The following GMDS variants were observed in gnomAD, a reference collection of about 807,000 sequenced individuals.
GMDS encodes the protein GDP-mannose 4,6-dehydratase.
In GMDS, 20 loss-of-function variants were observed where a neutral mutation model predicts 49.9. That is an observed-to-expected ratio of 0.40 (90% CI 0.28 to 0.58). GMDS has a LOEUF of 0.58. Ranked by LOEUF, GMDS falls within the 20% of genes least tolerant of loss-of-function variation. The probability of loss-of-function intolerance (pLI) is 0.42; values close to 1 mark genes in which losing one functional copy is unlikely to be tolerated. For synonymous variants in GMDS, 177 were observed against 178.6 expected (o/e 0.99, Z 0.07); for missense variants, 362 against 481.4 (o/e 0.75, Z 2.32).
chr6:1,675,281 AC>A, intron 9 of GMDS, among the ~76,000 whole-genome samples: 1 of 150,886 alleles, frequency 6.6e-6, no homozygotes, highest in South Asian at 2.1e-4. Context: ...TGTATATTAA[AC>A]TTGTATCGTG....
At chr6:2,212,828 G>A (rs757029327) in intron 1 of GMDS, among the ~76,000 whole-genome samples, 43 of 151,844 alleles carry the variant, frequency 2.8e-4, no homozygotes, top group Admixed American at 1.8e-3. Flanking sequence ...CCATAAGAGC[G>A]TGTGTCATCC....
chr6:2,165,037 G>A (rs1329164859), intron 1 of GMDS, among the ~76,000 whole-genome samples: 1 of 152,110 alleles, frequency 6.6e-6, no homozygotes, highest in Non-Finnish European at 1.5e-5. Flanking sequence ...ATCATGCCAT[G>A]GCCTATCAGT....
chr6:1,703,382 C>G (rs1353973672), intron 9 of GMDS, among the ~76,000 whole-genome samples: 1 of 152,034 alleles, frequency 6.6e-6, no homozygotes, highest in Non-Finnish European at 1.5e-5. Context: ...CCAGTTCCAC[C>G]CGAAAGTGGT....
At position 1,863,497 on chromosome 6, in the gene GMDS, T is replaced by A. The variant is rs544195327; in HGVS notation, c.771+66606A>T. 2.6e-5 allele frequency among the ~76,000 whole-genome samples: 4 copies of A among 152,104 alleles called. No individual in the cohort carries two copies. The South Asian group carries it at 8.3e-4, about 32-fold the overall frequency. On this transcript the variant is annotated intron_variant, in intron 7 of 10. Coordinates refer to ENST00000380815, the MANE Select transcript of GMDS (RefSeq NM_001500.4). The stretch of plus-strand genomic sequence containing the variant: ...GAAAAATATTGTGTGTGTGCGTGCA[T>A]GTGTGTGTGTGTTCCAATATAAGTG...
intron 7 of GMDS, among the ~76,000 whole-genome samples, chr6:1,821,965 A>T (rs1270795851): frequency 6.6e-6 from 1 of 152,140 alleles, no homozygotes; most frequent in East Asian, 1.9e-4. Flanking sequence ...AGGCTGGGTC[A>T]ATTTGATCAA....
At chr6:2,190,171 GA>G (rs1032832948) in intron 1 of GMDS, among the ~76,000 whole-genome samples, 3 of 152,020 alleles carry the variant, frequency 2.0e-5, no homozygotes, top group African/African-American at 7.3e-5. Context: ...CCACATCAGG[GA>G]AAAAAGAGCA....
intron 1 of GMDS, among the ~76,000 whole-genome samples, chr6:2,213,131 T>C (rs1221201596): frequency 1.3e-5 from 2 of 152,186 alleles, no homozygotes; most frequent in Admixed American, 1.3e-4. Flanking sequence ...TCCACAGTAT[T>C]AGAAATCATA....
intron 4 of GMDS, among the ~76,000 whole-genome samples, chr6:1,973,085 T>C (rs1453914283): frequency 1.3e-5 from 2 of 152,198 alleles, no homozygotes; most frequent in East Asian, 1.9e-4. Context: ...TTACCACCTA[T>C]ATCCAGCCAG....
In GMDS at chr6:1,629,623, T is replaced by C. The variant is rs572145516; in HGVS notation, c.988-5083A>G. Among the ~76,000 whole-genome samples, 4 of 152,260 alleles carry C rather than the reference T, an allele frequency of 2.6e-5. No homozygotes were observed. In the South Asian group the frequency reaches 8.3e-4, roughly 32 times the overall value. The stretch of plus-strand genomic sequence containing the variant: ...TGCCGTGTGGCAATCAGCGACGGTG[T>C]AGACTTGGAATAAAACCACCACTGG... On this transcript the variant is annotated intron_variant, in intron 9 of 10. Coordinates refer to ENST00000380815, the MANE Select transcript of GMDS (RefSeq NM_001500.4).
rs75828484 is a variant in GMDS, at chr6:1,634,873, G to A, written c.988-10333C>T. On this transcript the variant is annotated intron_variant, in intron 9 of 10. Transcript: ENST00000380815. The stretch of plus-strand genomic sequence containing the variant: ...CGTGGGTGAACTTGAGATGATCTTG[G>A]AGAAAGAGCAGAAAAGGCCTCCCTG... Among the ~76,000 whole-genome samples, 890 of 152,238 alleles carry A rather than the reference G, an allele frequency of 5.8e-3. 4 individuals carry two copies. The highest frequency in any genetic ancestry group is 0.02 in the African/African-American group (810 of 41,536).
At chr6:1,852,354 T>C (rs931152592) in intron 7 of GMDS, among the ~76,000 whole-genome samples, 1 of 152,212 alleles carries the variant, frequency 6.6e-6, no homozygotes, top group Non-Finnish European at 1.5e-5. Context: ...TTGTTCAAAA[T>C]CTTTCAAGGA....
intron 4 of GMDS, among the ~76,000 whole-genome samples, chr6:2,034,822 A>G (rs1581549351): frequency 6.6e-6 from 1 of 152,328 alleles, no homozygotes; most frequent in African/African-American, 2.4e-5. Context: ...GATACGTATT[A>G]AAACACACCA....
At chr6:1,969,750 G>A (rs1764493987) in intron 4 of GMDS, among the ~76,000 whole-genome samples, 1 of 152,018 alleles carries the variant, frequency 6.6e-6, no homozygotes, top group Non-Finnish European at 1.5e-5. Context: ...CCTGGACCTG[G>A]CCATCTCTAC....
At chr6:1,884,993 T>C (rs11966973) in intron 7 of GMDS, among the ~76,000 whole-genome samples, 2,657 of 152,284 alleles carry the variant, frequency 0.017, 79 homozygotes, top group African/African-American at 0.06. Flanking sequence ...GAAACTACAT[T>C]GAAATGAGTG....
intron 9 of GMDS, among the ~76,000 whole-genome samples, chr6:1,700,713 G>A (rs1483442068): frequency 6.6e-6 from 1 of 152,126 alleles, no homozygotes; most frequent in African/African-American, 2.4e-5. Context: ...TGTCCTATGC[G>A]GTGGCAAGAA....
At chr6:2,081,363 G>C (rs899383198) in intron 4 of GMDS, among the ~76,000 whole-genome samples, 1 of 152,084 alleles carries the variant, frequency 6.6e-6, no homozygotes, top group Admixed American at 6.5e-5. Flanking sequence ...AGGATGGCTC[G>C]GCCTTCTTTC....
At chr6:1,681,109 C>T (rs984324522) in intron 9 of GMDS, among the ~76,000 whole-genome samples, 1 of 152,064 alleles carries the variant, frequency 6.6e-6, no homozygotes, top group Admixed American at 6.6e-5. Context: ...CACATACGTA[C>T]ACCTACAAAT....
chr6:1,776,671 C>T (rs966821646), intron 7 of GMDS, among the ~76,000 whole-genome samples: 124 of 152,208 alleles, frequency 8.1e-4, no homozygotes, highest in African/African-American at 2.8e-3. Context: ...CATAACAAGA[C>T]CTTGTCCCTA....
chr6:2,087,064 G>A (rs1295998128), intron 4 of GMDS, among the ~76,000 whole-genome samples: 1 of 152,056 alleles, frequency 6.6e-6, no homozygotes, highest in Non-Finnish European at 1.5e-5. Flanking sequence ...GAGGATATGA[G>A]TGCCTTCACC....
Sources: allele counts gnomAD v4.1 joint callset (sites outside exome capture counted in the v4.1 genomes callset), GRCh38; gene constraint gnomAD v4.1.1; transcripts MANE v1.5; gene names NCBI Gene and HGNC (gene_info 2026-07-23, HGNC 2026-07-21).